RNF213: variants seen among roughly 807,000 people sequenced by gnomAD.
RNF213 encodes ring finger protein 213.
RNF213 carries 341 observed loss-of-function variants against 514.4 expected under a neutral mutation model. The observed-to-expected ratio is 0.66, with a 90% confidence interval of 0.61 to 0.73. The LOEUF (loss-of-function observed/expected upper bound fraction) is 0.73, where lower values mean the gene tolerates loss of function less well. Ranked by LOEUF, RNF213 falls within the 30% of genes least tolerant of loss-of-function variation. RNF213 has a pLI of 0.00. For synonymous variants in RNF213, 2,655 were observed against 2,658.2 expected, an observed-to-expected ratio of 1.00 and a Z score of 0.04; for missense variants, 5,767 against 6,615.6, an observed-to-expected ratio of 0.87 and a Z score of 4.45.
chr17:80,364,679 AAAGG>A (rs1367244754), intron 42 of RNF213, 126 bp downstream of exon 42: 5 of 1,158,446 alleles, frequency 4.3e-6, no homozygotes, highest in Non-Finnish European at 6.3e-6. Context: ...CTAGACATGC[AAAGG>A]AAGGTGATTT....
rs77506504 is a variant in RNF213, at chr17:80,367,976, G to A, written c.11988G>A (p.Pro3996=). 7.5e-3 allele frequency: 12,166 copies of A among 1,614,192 alleles called. 591 individuals carry two copies. The East Asian group carries it at 0.15, about 20-fold the overall frequency. The change falls in exon 44 of 68, where the codon CCG becomes CCA. Residue 3996 remains proline (P), a synonymous_variant. Coordinates refer to ENST00000582970, the MANE Select transcript of RNF213 (RefSeq NM_001256071.3). ...TGGATTCTAGGTTTGGGATTCAGCC[G>A]TGCTCCATCTGCCTGGGAGATGCAA... ...SKTLSRFGIQ[P]CSICLGDAKD...
chr17:80,276,661 A>G (rs2044068473), intron 3 of RNF213, among the ~76,000 whole-genome samples: 2 of 151,598 alleles, frequency 1.3e-5, no homozygotes, highest in African/African-American at 4.9e-5. Context: ...GTTGATGAGG[A>G]TGTGGAGAAA....
At chr17:80,319,037 G>A (rs1235129079) in intron 16 of RNF213, among the ~76,000 whole-genome samples, 153 bp from the exon 17 acceptor site, 2 of 152,208 alleles carry the variant, frequency 1.3e-5, no homozygotes, top group African/African-American at 4.8e-5. Context: ...GGGGGGCAGG[G>A]AGGACATGCT....
Position 80,387,303 on chromosome 17 carries a change from C to T in RNF213, c.14922+412C>T, listed in dbSNP as rs555026859. Among the ~76,000 whole-genome samples, 11 of 152,322 alleles carry T rather than the reference C, an allele frequency of 7.2e-5. No individual in the cohort carries two copies. In the South Asian group the frequency reaches 2.3e-3, roughly 32 times the overall value. ...GTATTTTTTGGTAGAGATGGGGCTT[C>T]ACCACGTTGCCCGGCTGGTCTCGAA... On this transcript the variant is annotated intron_variant, in intron 63 of 67. Coordinates refer to ENST00000582970, the MANE Select transcript of RNF213 (RefSeq NM_001256071.3).
At position 80,270,110 on chromosome 17, in the gene RNF213, GCACA is replaced by G. The variant is rs200515308; in HGVS notation, c.98-3121_98-3118del. Reference sequence around the variant, plus strand: ...ACATCTCCTCTGCGTGAATGTGTGCGCACACACACACACGTTAATGTGAGTGGCA... The same window carrying G: ...ACATCTCCTCTGCGTGAATGTGTGCGCACACACACGTTAATGTGAGTGGCA... On this transcript the variant is annotated intron_variant, in intron 2 of 67. Coordinates refer to ENST00000582970, the MANE Select transcript of RNF213 (RefSeq NM_001256071.3). Among the ~76,000 whole-genome samples the G allele has an allele frequency of 3.3e-5, 5 of 152,118 alleles. No individual in the cohort carries two copies. The East Asian group carries it at 7.7e-4, about 23-fold the overall frequency.
At chr17:80,342,856 A>C (rs1333466720) in intron 26 of RNF213, among the ~76,000 whole-genome samples, 1 of 151,334 alleles carries the variant, frequency 6.6e-6, no homozygotes, top group African/African-American at 2.4e-5. Flanking sequence ...CCCAGGCTGG[A>C]GTGTAGTGGT....
Position 80,386,674 on chromosome 17 carries a change from T to C in RNF213, c.14721-16T>C. On this transcript the variant is annotated splice_polypyrimidine_tract_variant and intron_variant, in intron 62 of 67. Coordinates refer to ENST00000582970, the MANE Select transcript of RNF213 (RefSeq NM_001256071.3). ...TGCCTGGCCTGGACGCTGAGCGCTGTCTTTCTGCCCCTCAGCTATTCCGTG... is the reference window on the plus strand; with the variant it reads ...TGCCTGGCCTGGACGCTGAGCGCTGCCTTTCTGCCCCTCAGCTATTCCGTG... 5 of 1,613,812 alleles carry C rather than the reference T, an allele frequency of 3.1e-6. No individual in the cohort carries two copies. The highest frequency in any genetic ancestry group is 4.2e-6 in the Non-Finnish European group (5 of 1,179,686).
At chr17:80,274,408 G>T (rs886901193) in intron 3 of RNF213, among the ~76,000 whole-genome samples, 1 of 149,674 alleles carries the variant, frequency 6.7e-6, no homozygotes, top group Non-Finnish European at 1.5e-5. Flanking sequence ...GGGCTCTAGC[G>T]CGGCCTGGGA....
chr17:80,313,770 C>T (rs372690213), intron 15 of RNF213, among the ~76,000 whole-genome samples: 5 of 83,030 alleles, frequency 6.0e-5, no homozygotes, highest in Admixed American at 3.7e-4. Flanking sequence ...GGTGGAGGTA[C>T]TGGAGGTGAT....
chr17:80,321,179 T>G (rs1247477268), intron 17 of RNF213: 1 of 152,234 alleles, frequency 6.6e-6, no homozygotes. Flanking sequence ...TTCACTTGTT[T>G]CATATACATC....
chr17:80,374,676 G>T, intron 50 of RNF213, 87 bp downstream of exon 50: 1 of 1,495,592 alleles, frequency 6.7e-7, no homozygotes, highest in Non-Finnish European at 9.2e-7. Flanking sequence ...ATGATGCAGG[G>T]TGATGGACCA....
intron 8 of RNF213, among the ~76,000 whole-genome samples, chr17:80,293,586 G>A (rs1449029476): frequency 1.3e-5 from 2 of 151,904 alleles, no homozygotes; most frequent in Non-Finnish European, 2.9e-5. Flanking sequence ...CATTTTGGGA[G>A]GCCGAGGCGG....
chr17:80,310,574 CAG>C (rs2045536329), intron 14 of RNF213, among the ~76,000 whole-genome samples: 2 of 144,566 alleles, frequency 1.4e-5, no homozygotes, highest in South Asian at 4.4e-4. Context: ...TTTTTTGAGA[CAG>C]AGTTTCACTC....
rs1161696006 is a variant in RNF213 at position 80,336,208 on chromosome 17, G to C, written c.4357G>C (p.Gly1453Arg). 3 of 1,537,256 alleles carry C rather than the reference G, an allele frequency of 2.0e-6. No homozygotes were observed. Among genetic ancestry groups the C allele is most frequent in the Non-Finnish European group, 1.7e-6 (2 of 1,146,906 alleles). ...VFVDLASISA[G>R]ENDIDVDRVA... ...TGTGGACCTGGCCTCCATCTCAGCG[G>C]GGGAGAATGACATTGATGTGGACCG... Residue 1453 changes from glycine (G) to arginine (R), a missense_variant, in exon 23 of 68, where the codon GGG becomes CGG. Physicochemically the swap from Gly to Arg is moderately radical, Grantham distance 125 (BLOSUM62 -2). Coordinates refer to ENST00000582970, the MANE Select transcript of RNF213 (RefSeq NM_001256071.3).
chr17:80,363,588 C>T, intron 40 of RNF213, 21 bp from the exon 41 acceptor site: 1 of 1,612,440 alleles, frequency 6.2e-7, no homozygotes, highest in Admixed American at 1.7e-5. Context: ...CTCAGCCACG[C>T]CCTGCTGTCC....
In RNF213 at chr17:80,347,896, C is replaced by T. The variant is rs138210678; in HGVS notation, c.9561C>T (p.Ile3187=). The T allele has an allele frequency of 6.8e-6, 11 of 1,614,204 alleles. No individual in the cohort carries two copies. The highest frequency in any genetic ancestry group is 8.5e-6 in the Non-Finnish European group (10 of 1,180,038). The change falls in exon 29 of 68, where the codon ATC becomes ATT. Residue 3187 remains isoleucine (I), a synonymous_variant. Coordinates refer to ENST00000582970, the MANE Select transcript of RNF213 (RefSeq NM_001256071.3). This position sits in a 1 kb window ranked among gnomAD's most constrained non-coding sequence, Gnocchi z 7.2. ...TGCTGGAGAAATGGCAGAAGAGCATCGTGGAGGAGCTCTGTGCGTGGGTGG... is the reference window on the plus strand; with the variant it reads ...TGCTGGAGAAATGGCAGAAGAGCATTGTGGAGGAGCTCTGTGCGTGGGTGG... The part of the protein sequence containing the change: ...NTVLEKWQKS[I]VEELCAWVEK...
In RNF213 at chr17:80,306,336, A is replaced by G. The variant is rs370757499; in HGVS notation, c.2295A>G (p.Leu765=). 6.2e-7 allele frequency: 1 copy of G among 1,614,128 alleles called. No individual in the cohort carries two copies. The highest frequency in any genetic ancestry group is 1.7e-5 in the Admixed American group (1 of 60,006). The change falls in exon 12 of 68, where the codon CTA becomes CTG. Residue 765 remains leucine (L), a synonymous_variant. Coordinates refer to ENST00000582970, the MANE Select transcript of RNF213 (RefSeq NM_001256071.3). ...TCTTCCGGTCCTGGTTTAGTCTGCT[A>G]CCTCTGAGTCACCTGGTTATGTATA... ...EPLFRSWFSL[L]PLSHLVMYME...
intron 44 of RNF213, among the ~76,000 whole-genome samples, chr17:80,368,515 C>T (rs1425762204): frequency 4.6e-5 from 7 of 151,718 alleles, no homozygotes; most frequent in Non-Finnish European, 8.8e-5. Context: ...TCACTGCAAC[C>T]TTCACCTCCT....
intron 29 of RNF213, among the ~76,000 whole-genome samples, chr17:80,348,685 G>A (rs188460299): frequency 3.3e-5 from 5 of 152,362 alleles, no homozygotes; most frequent in Non-Finnish European, 5.9e-5. Flanking sequence ...TAGAGGCAGC[G>A]GGGAGCGGTG....
Sources: allele counts gnomAD v4.1 joint callset (sites outside exome capture counted in the v4.1 genomes callset), GRCh38; gene constraint gnomAD v4.1.1; non-coding constraint Gnocchi (gnomAD v3.1); transcripts MANE v1.5; gene names NCBI Gene and HGNC (gene_info 2026-07-23, HGNC 2026-07-21).